Variants in IFT70A observed in about 807,000 individuals in gnomAD.
IFT70A encodes the protein intraflagellar transport 70A, also known as intraflagellar transport protein 70A.
chr2:177,613,936 CACTT>C, the IFT70A span: 28 of 152,128 alleles, frequency 1.8e-4, no homozygotes, highest in African/African-American at 6.5e-4. Context: ...TGGCAGGTCT[CACTT>C]AAACTAACAA....
the IFT70A span, chr2:177,618,684 G>A: frequency 1.1e-4 from 179 of 1,586,974 alleles, no homozygotes; most frequent in Admixed American, 3.0e-3. Flanking sequence ...GGATCTGCGC[G>A]CCGCTCAGAC....
At chr2:177,615,754 T>C in the IFT70A span, 3 of 152,146 alleles carry the variant, frequency 2.0e-5, no homozygotes, top group Non-Finnish European at 4.4e-5. Flanking sequence ...TGTAAAGGCT[T>C]CTGATAGTTC....
the IFT70A span, chr2:177,616,779 A>G: frequency 6.3e-7 from 1 of 1,588,628 alleles, no homozygotes; most frequent in East Asian, 2.2e-5. Context: ...TATTCTTCCC[A>G]ACATGCATTC....
chr2:177,618,160 A>T, the IFT70A span: 34 of 1,614,136 alleles, frequency 2.1e-5, no homozygotes, highest in Admixed American at 5.7e-4. Flanking sequence ...CGAGGCCTGC[A>T]GTGTGGCAGA....
At chr2:177,618,399 G>A in the IFT70A span, 54 of 1,612,842 alleles carry the variant, frequency 3.3e-5, no homozygotes, top group Non-Finnish European at 3.9e-5. Flanking sequence ...GAAGGAAGGC[G>A]ACCCGAGTGG....
the IFT70A span, chr2:177,617,024 A>G: frequency 6.2e-7 from 1 of 1,613,490 alleles, no homozygotes; most frequent in African/African-American, 1.3e-5. Context: ...CCAAACTCAT[A>G]GTTTCCTTTG....
chr2:177,613,543 ACT>A, the IFT70A span: 3 of 152,122 alleles, frequency 2.0e-5, no homozygotes, highest in East Asian at 3.8e-4. Flanking sequence ...AGACGTTGAG[ACT>A]CTGATTAGAA....
At chr2:177,617,172 C>T in the IFT70A span, 1 of 1,608,278 alleles carries the variant, frequency 6.2e-7, no homozygotes, top group East Asian at 2.2e-5. Context: ...TTTGACTTGT[C>T]ATAATATAGG....
chr2:177,618,300 G>A, the IFT70A span: 2 of 1,614,168 alleles, frequency 1.2e-6, no homozygotes. Context: ...GCTCCACCAG[G>A]CTCCTGGACC....
At chr2:177,616,680 G>GA in the IFT70A span, 5 of 1,459,644 alleles carry the variant, frequency 3.4e-6, no homozygotes, top group Non-Finnish European at 4.5e-6. Context: ...AAGCCATTTT[G>GA]AAAAAAGCCA....
the IFT70A span, chr2:177,617,943 G>A: frequency 6.2e-7 from 1 of 1,614,158 alleles, no homozygotes; most frequent in South Asian, 1.1e-5. Context: ...TAAGGTTGAA[G>A]GCTTCCACCA....
chr2:177,618,689 T>C, the IFT70A span: 3 of 1,582,888 alleles, frequency 1.9e-6, no homozygotes, highest in Non-Finnish European at 2.6e-6. Context: ...TGCGCGCCGC[T>C]CAGACCAGCC....
chr2:177,617,082 C>T, the IFT70A span: 9 of 1,613,350 alleles, frequency 5.6e-6, no homozygotes, highest in African/African-American at 1.2e-4. Context: ...AGAGATGGTA[C>T]ATTTTCCGAT....
chr2:177,618,641 G>C, the IFT70A span: 1 of 1,609,266 alleles, frequency 6.2e-7, no homozygotes, highest in Non-Finnish European at 8.5e-7. Context: ...TCGCGGATGA[G>C]CCGGTACACT....
the IFT70A span, chr2:177,615,188 G>A: frequency 6.6e-6 from 1 of 152,264 alleles, no homozygotes; most frequent in South Asian, 2.1e-4. Flanking sequence ...CCAGATTTCT[G>A]GCAGACTGGC....
the IFT70A span, chr2:177,614,745 G>C: frequency 1.3e-5 from 2 of 152,154 alleles, no homozygotes; most frequent in African/African-American, 4.8e-5. Context: ...AAAAGGGAAA[G>C]AGAACAGGGT....
At chr2:177,618,389 G>A in the IFT70A span, 6 of 1,613,264 alleles carry the variant, frequency 3.7e-6, no homozygotes, top group Admixed American at 3.3e-5. Flanking sequence ...TTATCCAGGA[G>A]AAGGAAGGCG....
chr2:177,617,226 G>A, the IFT70A span: 68 of 1,597,242 alleles, frequency 4.3e-5, no homozygotes, highest in African/African-American at 8.2e-4. Context: ...CATTCAGGAT[G>A]TTATCATAAT....
At chr2:177,616,935 G>C in the IFT70A span, 3 of 1,603,732 alleles carry the variant, frequency 1.9e-6, no homozygotes, top group Non-Finnish European at 2.5e-6. Flanking sequence ...AGGACAGGAA[G>C]CATCTTTTGG....
Sources: allele counts gnomAD v4.1 joint callset, GRCh38; gene constraint gnomAD v4.1.1; transcripts MANE v1.5; gene names NCBI Gene and HGNC (gene_info 2026-07-23, HGNC 2026-07-21).